The following DNER variants were observed in gnomAD, a reference collection of about 807,000 sequenced individuals.
DNER encodes delta and Notch-like epidermal growth factor-related receptor.
A neutral mutation model predicts 78.2 loss-of-function variants in DNER; 33 were observed. The observed-to-expected ratio is 0.42, with a 90% CI of 0.32 to 0.56. The LOEUF (loss-of-function observed/expected upper bound fraction) is 0.56, where lower values mean the gene tolerates loss of function less well. Among genes scored for constraint, DNER ranks in the 20% least tolerant of loss-of-function variants. The pLI is 0.11. For missense variants in DNER, 918 were observed against 975.3 expected (o/e 0.94, Z 0.78); for synonymous variants, 417 against 384.8 (o/e 1.08, Z -0.98).
chr2:229,534,899 G>A (rs148156303), intron 5 of DNER, among the ~76,000 whole-genome samples: 19 of 152,016 alleles, frequency 1.2e-4, no homozygotes, highest in South Asian at 4.2e-4. Context: ...ACCCTGGCAC[G>A]ATCTCAACTC....
chr2:229,472,568 A>G (rs1046045992), intron 7 of DNER, among the ~76,000 whole-genome samples: 5 of 152,216 alleles, frequency 3.3e-5, no homozygotes, highest in Non-Finnish European at 7.3e-5. Flanking sequence ...ATATTTAAAT[A>G]CCAATATGCA....
chr2:229,560,534 G>A (rs932633953), intron 4 of DNER, among the ~76,000 whole-genome samples: 16 of 152,074 alleles, frequency 1.1e-4, no homozygotes, highest in African/African-American at 3.1e-4. Flanking sequence ...CTGCAATCCC[G>A]CATCTCACCC....
rs1692134333 is a variant in DNER, at chr2:229,358,356, G to T, written c.*184C>A. Reference sequence around the variant, plus strand: ...AGGTACATTAAAACATCGTCTATAGGTTTCACAAATTTTGTTTTTAAAATA... The same window carrying T: ...AGGTACATTAAAACATCGTCTATAGTTTTCACAAATTTTGTTTTTAAAATA... On this transcript the variant is annotated 3_prime_UTR_variant, in exon 13 of 13. Coordinates refer to ENST00000341772, the MANE Select transcript of DNER (RefSeq NM_139072.4). 4.1e-6 allele frequency: 2 copies of T among 493,308 alleles called. No homozygotes were observed. The highest frequency in any genetic ancestry group is 7.1e-6 in the Non-Finnish European group (2 of 282,438). The allele number at this position is 493,308 out of a possible 1,614,324, so 30.6% of individuals were successfully genotyped here. A position where few individuals can be genotyped will look rare whatever the true frequency, so the allele number is the denominator to read the frequency against.
intron 1 of DNER, among the ~76,000 whole-genome samples, chr2:229,674,872 T>G (rs551567485): frequency 6.6e-6 from 1 of 152,322 alleles, no homozygotes; most frequent in African/African-American, 2.4e-5. Context: ...TCATACAGAT[T>G]GCAAATGGTG....
intron 1 of DNER, among the ~76,000 whole-genome samples, chr2:229,602,463 A>T (rs1697849452): frequency 6.6e-6 from 1 of 152,172 alleles, no homozygotes; most frequent in Non-Finnish European, 1.5e-5. Flanking sequence ...TCCATTGAGC[A>T]CTGCACTAAA....
intron 1 of DNER, among the ~76,000 whole-genome samples, chr2:229,596,491 A>G (rs1697717295): frequency 6.6e-6 from 1 of 152,212 alleles, no homozygotes; most frequent in African/African-American, 2.4e-5. Context: ...GTGGCTTTCA[A>G]CACAGTGAGC....
intron 1 of DNER, among the ~76,000 whole-genome samples, chr2:229,658,429 C>T (rs1201170048): frequency 6.6e-6 from 1 of 152,166 alleles, no homozygotes; most frequent in Non-Finnish European, 1.5e-5. Context: ...AAGCAGCATC[C>T]TTAAATAGCT....
chr2:229,517,776 T>G (rs1267472801), intron 5 of DNER, among the ~76,000 whole-genome samples: 2 of 152,152 alleles, frequency 1.3e-5, no homozygotes, highest in African/African-American at 4.8e-5. Flanking sequence ...CTCTGGCGGA[T>G]AGAGTTCAAG....
chr2:229,696,101 G>A (rs1574570705), intron 1 of DNER, among the ~76,000 whole-genome samples: 1 of 152,178 alleles, frequency 6.6e-6, no homozygotes, highest in Non-Finnish European at 1.5e-5. Context: ...CAAGTCTCCT[G>A]GCAGTGGTTG....
intron 1 of DNER, among the ~76,000 whole-genome samples, chr2:229,603,764 G>T (rs10933305): frequency 0.63 from 93,946 of 149,104 alleles, 29,111 homozygotes; most frequent in African/African-American, 0.69. Flanking sequence ...TGCTTTGCAA[G>T]TTTGTGCTTT....
At chr2:229,421,628 A>AAT (rs55973585) in intron 8 of DNER, among the ~76,000 whole-genome samples, 39,105 of 133,056 alleles carry the variant, frequency 0.29, 5,564 homozygotes, top group East Asian at 0.45. Flanking sequence ...TACAACATGA[A>AAT]ATATATATAT....
At chr2:229,391,356 C>T (rs1010292997) in intron 10 of DNER, among the ~76,000 whole-genome samples, 4 of 152,092 alleles carry the variant, frequency 2.6e-5, no homozygotes, top group African/African-American at 9.7e-5. Flanking sequence ...TAAGCTTTTG[C>T]TGCCCTGAGC....
chr2:229,504,417 G>T (rs1272552292), intron 6 of DNER, among the ~76,000 whole-genome samples: 2 of 151,770 alleles, frequency 1.3e-5, no homozygotes, highest in African/African-American at 4.8e-5. Flanking sequence ...AGAGGGTTTC[G>T]CCATATTGGC....
chr2:229,597,638 A>G (rs73998290), intron 1 of DNER, among the ~76,000 whole-genome samples: 1,878 of 152,288 alleles, frequency 0.012, 54 homozygotes, highest in African/African-American at 0.043. Flanking sequence ...AATGATGGGG[A>G]AAAATGATTA....
intron 4 of DNER, among the ~76,000 whole-genome samples, chr2:229,564,279 C>A (rs1268719541): frequency 1.3e-5 from 2 of 149,292 alleles, no homozygotes; most frequent in Non-Finnish European, 3.0e-5. Context: ...ATCCTCCTCA[C>A]CCCATCACCA....
chr2:229,556,576 C>A (rs1696859645), intron 4 of DNER, among the ~76,000 whole-genome samples: 2 of 152,148 alleles, frequency 1.3e-5, no homozygotes, highest in African/African-American at 4.8e-5. Flanking sequence ...TTATGCACAT[C>A]TAAAATTGGA....
At chr2:229,652,854 G>A (rs1475805594) in intron 1 of DNER, among the ~76,000 whole-genome samples, 1 of 152,316 alleles carries the variant, frequency 6.6e-6, no homozygotes, top group East Asian at 1.9e-4. Flanking sequence ...TATTTCAGCA[G>A]ATGGAAAAGA....
chr2:229,564,960 CAGG>C (rs906992307), intron 4 of DNER, among the ~76,000 whole-genome samples: 2 of 152,162 alleles, frequency 1.3e-5, no homozygotes, highest in African/African-American at 4.8e-5. Flanking sequence ...CCTCACATAG[CAGG>C]AGAAGTGAGG....
intron 1 of DNER, among the ~76,000 whole-genome samples, chr2:229,658,848 A>C (rs1698957134): frequency 6.6e-6 from 1 of 152,218 alleles, no homozygotes; most frequent in African/African-American, 2.4e-5. Flanking sequence ...TAACTTTTGC[A>C]GTTGAAATTG....
Sources: gnomAD v4.1 joint callset for allele counts (sites outside exome capture counted in the v4.1 genomes callset) on GRCh38, gnomAD v4.1.1 for gene constraint, MANE v1.5 for transcripts, NCBI Gene and HGNC (gene_info 2026-07-23, HGNC 2026-07-21) for gene names.